The following METTL8 variants were observed in gnomAD, a reference collection of about 807,000 sequenced individuals.
The protein encoded by METTL8 is tRNA N(3)-cytidine methyltransferase METTL8, mitochondrial.
Under a neutral mutation model 48.7 loss-of-function variants are expected in METTL8, and 32 were observed. That is an observed-to-expected ratio of 0.66 (90% CI 0.50 to 0.88). The LOEUF (loss-of-function observed/expected upper bound fraction) is 0.88, where lower values mean the gene tolerates loss of function less well. METTL8 is among the 40% of genes least tolerant of loss of function. The pLI, the probability that METTL8 is intolerant of heterozygous loss-of-function variation, is 0.00. For synonymous variants in METTL8, 136 were observed against 157.1 expected, an observed-to-expected ratio of 0.87 and a Z score of 1.01; for missense variants, 464 against 474.4, an observed-to-expected ratio of 0.98 and a Z score of 0.20.
At chr2:171,425,154 G>A (rs990017816) in intron 1 of METTL8, among the ~76,000 whole-genome samples, 5 of 152,172 alleles carry the variant, frequency 3.3e-5, no homozygotes, top group African/African-American at 7.2e-5. Context: ...GGCCTCCCCA[G>A]CCATGAGGAA....
chr2:171,345,444 C>T (rs1687172231), intron 3 of METTL8, among the ~76,000 whole-genome samples: 1 of 152,080 alleles, frequency 6.6e-6, no homozygotes, highest in Non-Finnish European at 1.5e-5. Flanking sequence ...TGGAAATTTC[C>T]ACACATCAGT....
chr2:171,356,498 A>G (rs561194240), intron 3 of METTL8, among the ~76,000 whole-genome samples: 1 of 152,310 alleles, frequency 6.6e-6, no homozygotes, highest in Admixed American at 6.5e-5. Flanking sequence ...CTACTGATCT[A>G]TATTGAACAT....
rs1693244192 is a variant in METTL8, at chr2:171,432,871, A to C, written c.-13+1012T>G. Among the ~76,000 whole-genome samples, 3 of 152,236 alleles carry C rather than the reference A, an allele frequency of 2.0e-5. No homozygotes were observed. In the South Asian group the frequency reaches 6.2e-4, roughly 31 times the overall value. ...TTACCATAGGCCAATTGATATAAACAAAAGTTAAGTTCCTATAACATATTT... is the reference window on the plus strand; with the variant it reads ...TTACCATAGGCCAATTGATATAAACCAAAGTTAAGTTCCTATAACATATTT... On this transcript the variant is annotated intron_variant, in intron 1 of 9. Transcript: ENST00000375258.
chr2:171,376,842 C>T (rs1687019530), intron 2 of METTL8, among the ~76,000 whole-genome samples: 1 of 151,998 alleles, frequency 6.6e-6, no homozygotes, highest in Non-Finnish European at 1.5e-5. Context: ...AAAGAAAAAA[C>T]ATTCCTAACA....
chr2:171,421,740 T>C (rs555834930), intron 1 of METTL8, among the ~76,000 whole-genome samples: 59 of 152,184 alleles, frequency 3.9e-4, no homozygotes, highest in African/African-American at 1.3e-3. Context: ...AATCTGCATA[T>C]AAGGAGGGCC....
intron 3 of METTL8, among the ~76,000 whole-genome samples, chr2:171,353,787 C>A (rs1043754834): frequency 6.6e-6 from 1 of 151,848 alleles, no homozygotes; most frequent in East Asian, 1.9e-4. Flanking sequence ...GCAACCCCTG[C>A]TTTTTTTTGT....
chr2:171,382,570 G>C (rs1294517323), intron 2 of METTL8, among the ~76,000 whole-genome samples: 2 of 152,050 alleles, frequency 1.3e-5, no homozygotes, highest in African/African-American at 2.4e-5. Context: ...GGAGGGCAAG[G>C]GGAGAGACAG....
intron 5 of METTL8, among the ~76,000 whole-genome samples, chr2:171,335,430 A>C (rs998981355): frequency 1.3e-5 from 2 of 152,084 alleles, no homozygotes; most frequent in African/African-American, 4.8e-5. Flanking sequence ...TTAATTAAAA[A>C]AATTTTTTTT....
intron 3 of METTL8, among the ~76,000 whole-genome samples, chr2:171,339,788 C>A (rs576789853): frequency 1.3e-5 from 2 of 152,308 alleles, no homozygotes; most frequent in Admixed American, 6.5e-5. Context: ...CCCTGTGAAT[C>A]TGCTTTTATC....
chr2:171,394,681 A>G (rs1431294575), intron 1 of METTL8, among the ~76,000 whole-genome samples: 3 of 152,238 alleles, frequency 2.0e-5, no homozygotes, highest in East Asian at 3.8e-4. Flanking sequence ...TATTTATCTT[A>G]TTACATAAAT....
intron 9 of METTL8, among the ~76,000 whole-genome samples, chr2:171,324,968 G>A (rs889194478): frequency 6.6e-6 from 1 of 151,760 alleles, no homozygotes; most frequent in African/African-American, 2.4e-5. Flanking sequence ...CCTAGGCGTG[G>A]AGGTAGGTAA....
chr2:171,320,058 T>C lies in METTL8; in HGVS notation c.*4114A>G, dbSNP rs1212690381. ...GCAGTTATCAAATATTTTAAACTAA[T>C]ACCCAAGCAGTTACATTTGCAACGC... On this transcript the variant is annotated 3_prime_UTR_variant, in exon 10 of 10. Transcript: ENST00000375258. 6.6e-6 allele frequency: 1 copy of C among 152,126 alleles called. No individual in the cohort carries two copies. The highest frequency in any genetic ancestry group is 2.4e-5 in the African/African-American group (1 of 41,428). The allele number at this position is 152,126 out of a possible 1,614,324, so 9.4% of individuals were successfully genotyped here.
chr2:171,367,037 G>A (rs1324820582), intron 2 of METTL8, among the ~76,000 whole-genome samples: 2 of 152,042 alleles, frequency 1.3e-5, no homozygotes, highest in Non-Finnish European at 2.9e-5. Flanking sequence ...TCAGTAACCT[G>A]TGGGATAATA....
chr2:171,337,385 T>A, intron 5 of METTL8, 68 bp downstream of exon 5: 2 of 1,218,032 alleles, frequency 1.6e-6, no homozygotes, highest in South Asian at 2.9e-5. Flanking sequence ...GTGACAATAT[T>A]TTCCCAGAAT....
rs576465725 is a variant in METTL8 at position 171,361,588 on chromosome 2, G to A, written c.144-1075C>T. Among the ~76,000 whole-genome samples the A allele has an allele frequency of 3.9e-5, 6 of 152,186 alleles. No individual in the cohort carries two copies. In the South Asian group the frequency reaches 1.2e-3, roughly 32 times the overall value. ...TGTAATAAGCACATTACATACATAT[G>A]TCTTATTTAATCCTTTCAAAAATCC... On this transcript the variant is annotated intron_variant, in intron 2 of 9. Coordinates refer to ENST00000375258, the MANE Select transcript of METTL8 (RefSeq NM_001321154.2).
At chr2:171,387,648 T>C (rs543854064) in intron 2 of METTL8, among the ~76,000 whole-genome samples, 1 of 152,204 alleles carries the variant, frequency 6.6e-6, no homozygotes, top group East Asian at 1.9e-4. Flanking sequence ...TATAATTCAA[T>C]ATAAAAATTG....
chr2:171,344,094 A>C (rs1687042383), intron 3 of METTL8, among the ~76,000 whole-genome samples: 1 of 152,254 alleles, frequency 6.6e-6, no homozygotes, highest in Non-Finnish European at 1.5e-5. Flanking sequence ...AGATAATTAC[A>C]TAAATTATAC....
chr2:171,401,911 T>C (rs1298631484), intron 1 of METTL8, among the ~76,000 whole-genome samples: 1 of 152,168 alleles, frequency 6.6e-6, no homozygotes, highest in East Asian at 1.9e-4. Context: ...TGTTACGTAA[T>C]ATGTATTATT....
rs541132030 is a variant in METTL8, at chr2:171,343,271, C to T, written c.236-3717G>A. Among the ~76,000 whole-genome samples the T allele has an allele frequency of 5.3e-5, 8 of 152,210 alleles. No homozygotes were observed. In the South Asian group the frequency reaches 1.7e-3, roughly 32 times the overall value. On this transcript the variant is annotated intron_variant, in intron 3 of 9. Transcript: ENST00000375258. ...CCTGACCAACATGGAGAAACCCCAT[C>T]TCTACTAAAACTACAAAATTAGCCG...
Sources: allele counts gnomAD v4.1 joint callset (sites outside exome capture counted in the v4.1 genomes callset), GRCh38; gene constraint gnomAD v4.1.1; transcripts MANE v1.5; gene names NCBI Gene and HGNC (gene_info 2026-07-23, HGNC 2026-07-21).